Variants in GFRA1 observed in about 807,000 individuals in gnomAD.
The protein encoded by GFRA1 is GDNF family receptor alpha 1.
In GFRA1, 16 loss-of-function variants were observed where a neutral mutation model predicts 51.6. That is an observed-to-expected ratio of 0.31 (90% CI 0.21 to 0.47). The LOEUF is 0.47. Among genes scored for constraint, GFRA1 ranks in the 20% least tolerant of loss-of-function variants. GFRA1 has a pLI of 1.00. For synonymous variants in GFRA1, 270 were observed against 241.3 expected, an observed-to-expected ratio of 1.12 and a Z score of -1.10; for missense variants, 530 against 594.3, an observed-to-expected ratio of 0.89 and a Z score of 1.13.
intron 8 of GFRA1, among the ~76,000 whole-genome samples, chr10:116,092,400 T>TTG (rs909632285): frequency 3.3e-5 from 5 of 151,892 alleles, no homozygotes; most frequent in East Asian, 1.9e-4. Context: ...ACAAAAGCTT[T>TTG]TGTGTGTGTG....
chr10:116,222,136 A>G (rs1392091143), intron 4 of GFRA1, among the ~76,000 whole-genome samples: 1 of 152,082 alleles, frequency 6.6e-6, no homozygotes, highest in Non-Finnish European at 1.5e-5. Flanking sequence ...GTGGGAGGTA[A>G]TGCAGTGCAG....
At chr10:116,177,569 C>G (rs1038565682) in intron 5 of GFRA1, among the ~76,000 whole-genome samples, 2 of 152,014 alleles carry the variant, frequency 1.3e-5, no homozygotes, top group African/African-American at 2.4e-5. Flanking sequence ...GTAACTGAAA[C>G]CCTGGGAGCA....
intron 4 of GFRA1, among the ~76,000 whole-genome samples, chr10:116,233,653 C>T (rs1288284507): frequency 6.6e-6 from 1 of 152,190 alleles, no homozygotes; most frequent in African/African-American, 2.4e-5. Context: ...TCAGCTGTCC[C>T]AGCTCCCCGC....
chr10:116,148,097 T>TGCATGC (rs1555158915), intron 5 of GFRA1, among the ~76,000 whole-genome samples: 2 of 148,882 alleles, frequency 1.3e-5, no homozygotes, highest in Non-Finnish European at 3.0e-5. Context: ...TGCATGCGTG[T>TGCATGC]GTGCATGCAT....
At chr10:116,147,788 G>C (rs1483381527) in intron 5 of GFRA1, among the ~76,000 whole-genome samples, 3 of 151,982 alleles carry the variant, frequency 2.0e-5, no homozygotes, top group Non-Finnish European at 2.9e-5. Flanking sequence ...CTCTGCAAAA[G>C]GTCTCAGGTT....
chr10:116,141,283 T>TTTC (rs2134092943), intron 5 of GFRA1, among the ~76,000 whole-genome samples: 1 of 152,126 alleles, frequency 6.6e-6, no homozygotes, highest in East Asian at 1.9e-4. Context: ...CTCGGGTATG[T>TTTC]TTCTTCTTGG....
At chr10:116,128,502 G>A (rs1052445507) in intron 5 of GFRA1, among the ~76,000 whole-genome samples, 18 of 152,010 alleles carry the variant, frequency 1.2e-4, no homozygotes, top group African/African-American at 3.1e-4. Flanking sequence ...GAGGTGGACC[G>A]ATCACAAGGT....
chr10:116,119,895 C>G (rs1297890214), intron 6 of GFRA1, among the ~76,000 whole-genome samples: 1 of 152,264 alleles, frequency 6.6e-6, no homozygotes, highest in Non-Finnish European at 1.5e-5. Flanking sequence ...TACATTTCCT[C>G]TAAGTGTCAC....
At chr10:116,167,307 T>C (rs868365477) in intron 5 of GFRA1, among the ~76,000 whole-genome samples, 33 of 152,130 alleles carry the variant, frequency 2.2e-4, no homozygotes, top group South Asian at 2.1e-4. Context: ...CCACCCAGCA[T>C]TGCAGGTGGG....
chr10:116,173,955 C>T (rs1051113821), intron 5 of GFRA1, among the ~76,000 whole-genome samples: 2 of 152,112 alleles, frequency 1.3e-5, no homozygotes, highest in South Asian at 2.1e-4. Context: ...TGGTGCATGC[C>T]TGTAATCCCA....
intron 8 of GFRA1, among the ~76,000 whole-genome samples, chr10:116,093,019 C>T (rs376506531): frequency 2.0e-4 from 30 of 152,150 alleles, no homozygotes; most frequent in East Asian, 1.5e-3. Flanking sequence ...CTTTGGGAAA[C>T]GTGTTTCCAA....
intron 5 of GFRA1, among the ~76,000 whole-genome samples, chr10:116,157,490 C>T (rs1959265856): frequency 6.6e-6 from 1 of 152,242 alleles, no homozygotes; most frequent in Non-Finnish European, 1.5e-5. Context: ...TCTGTGCCTT[C>T]CAGCCCCTCA....
chr10:116,105,541 G>A lies in GFRA1; in HGVS notation c.771-8777C>T, dbSNP rs188632230. 1.2e-4 allele frequency among the ~76,000 whole-genome samples: 19 copies of A among 152,256 alleles called. No individual in the cohort carries two copies. The East Asian group carries it at 3.1e-3, about 25-fold the overall frequency. On this transcript the variant is annotated intron_variant, in intron 6 of 10. Coordinates refer to ENST00000355422, the MANE Select transcript of GFRA1 (RefSeq NM_005264.8). Reference sequence around the variant, plus strand: ...ACCATGGCTTCATTTAATTATTTACGCACACCCTGTCTTCAGAAGGAATTT... The same window carrying A: ...ACCATGGCTTCATTTAATTATTTACACACACCCTGTCTTCAGAAGGAATTT...
In GFRA1 at chr10:116,270,954, C is replaced by A; in HGVS notation, c.202G>T (p.Ala68Ser). 6.2e-7 allele frequency: 1 copy of A among 1,614,202 alleles called. No individual in the cohort carries two copies. Among genetic ancestry groups the A allele is most frequent in the Non-Finnish European group, 8.5e-7 (1 of 1,180,044 alleles). The change falls in exon 3 of 11, where the codon GCC (alanine) becomes TCC (serine). Residue 68 changes from alanine to serine, a missense_variant. Ala to Ser is a moderately conservative substitution (Grantham distance 99). Coordinates refer to ENST00000355422, the MANE Select transcript of GFRA1 (RefSeq NM_005264.8). ...TNFSLASGLE[A>S]KDECRSAMEA... is the part of the protein sequence containing the mutation. ...ATGGCGCTGCGGCACTCATCCTTGGCCTCCAGGCCGGATGCCAGGCTGAAG... is the reference window on the plus strand; with the variant it reads ...ATGGCGCTGCGGCACTCATCCTTGGACTCCAGGCCGGATGCCAGGCTGAAG...
chr10:116,150,074 T>C (rs1185236259), intron 5 of GFRA1, among the ~76,000 whole-genome samples: 1 of 152,224 alleles, frequency 6.6e-6, no homozygotes, highest in Non-Finnish European at 1.5e-5. Flanking sequence ...TCCTCCATTT[T>C]CAAAGCAAGG....
At chr10:116,242,482 A>G (rs944584849) in intron 4 of GFRA1, among the ~76,000 whole-genome samples, 1 of 152,082 alleles carries the variant, frequency 6.6e-6, no homozygotes, top group Non-Finnish European at 1.5e-5. Context: ...TATCCATAAA[A>G]ACATTTTTTT....
chr10:116,075,488 C>T (rs544096418), intron 9 of GFRA1, among the ~76,000 whole-genome samples: 2 of 152,200 alleles, frequency 1.3e-5, no homozygotes, highest in South Asian at 4.2e-4. Flanking sequence ...TATAACACTC[C>T]TGGGCAGTAG....
intron 5 of GFRA1, among the ~76,000 whole-genome samples, chr10:116,168,144 A>ATTTTTTTTTTTTT (rs35559235): frequency 6.9e-6 from 1 of 145,264 alleles, no homozygotes; most frequent in Non-Finnish European, 1.5e-5. Context: ...AAACCAGGGA[A>ATTTTTTTTTTTTT]TTTTTTTTTT....
At position 116,194,010 on chromosome 10, in the gene GFRA1, G is replaced by C. The variant is rs376005419; in HGVS notation, c.433+17621C>G. Among the ~76,000 whole-genome samples the C allele has an allele frequency of 4.0e-4, 59 of 147,436 alleles. 1 individual carries two copies. The East Asian group carries it at 0.011, about 28-fold the overall frequency. The stretch of plus-strand genomic sequence containing the variant: ...GCCGAGATCGCACCACTGTACTCCA[G>C]CCTGGGCCACAGAGGGAGACTCCGT... On this transcript the variant is annotated intron_variant, in intron 5 of 10. Coordinates refer to ENST00000355422, the MANE Select transcript of GFRA1 (RefSeq NM_005264.8).
Sources: allele counts gnomAD v4.1 joint callset (sites outside exome capture counted in the v4.1 genomes callset), GRCh38; gene constraint gnomAD v4.1.1; transcripts MANE v1.5; gene names NCBI Gene and HGNC (gene_info 2026-07-23, HGNC 2026-07-21).